PCDHGA9: variants seen among roughly 807,000 people sequenced by gnomAD.
The protein encoded by PCDHGA9 is protocadherin gamma subfamily A, 9.
PCDHGA9 carries 37 observed loss-of-function variants against 62.5 expected under a neutral mutation model. That is an observed-to-expected ratio of 0.59 (90% CI 0.46 to 0.78). The LOEUF (loss-of-function observed/expected upper bound fraction) is 0.78, where lower values mean the gene tolerates loss of function less well. Among genes scored for constraint, PCDHGA9 ranks in the 30% least tolerant of loss-of-function variants. The pLI, the probability that PCDHGA9 is intolerant of heterozygous loss-of-function variation, is 0.00. For synonymous variants in PCDHGA9, 459 were observed against 484.6 expected (o/e 0.95, Z 0.69); for missense variants, 1,138 against 1,166.2 (o/e 0.98, Z 0.35).
chr5:141,468,814 C>G (rs2099180978), intron 1 of PCDHGA9, among the ~76,000 whole-genome samples: 1 of 151,814 alleles, frequency 6.6e-6, no homozygotes, highest in African/African-American at 2.4e-5. Context: ...TGCAGTGAGC[C>G]AAGATCAAGC....
At position 141,430,917 on chromosome 5, in the gene PCDHGA9, G is replaced by A. The variant is rs2097324810; in HGVS notation, c.2424+25541G>A. ...GTGGGCGACATCTCCAGGGACCTGG[G>A]GCTGGAGCCCCGGGAGCTCGCGGAG... On this transcript the variant is annotated intron_variant, in intron 1 of 3. Coordinates refer to ENST00000573521, the MANE Select transcript of PCDHGA9 (RefSeq NM_018921.3). The A allele has an allele frequency of 1.9e-6, 3 of 1,607,956 alleles. No individual in the cohort carries two copies. The highest frequency in any genetic ancestry group is 2.5e-6 in the Non-Finnish European group (3 of 1,177,520).
In PCDHGA9 at chr5:141,413,348, T is replaced by C. The variant is rs1217580039; in HGVS notation, c.2424+7972T>C. On this transcript the variant is annotated intron_variant, in intron 1 of 3. Transcript: ENST00000573521. The stretch of plus-strand genomic sequence containing the variant: ...GGCAACATCTCCAAGGACTTGGGTC[T>C]GGCGCCCCGGGAGCTGGCGGAGCGC... The C allele has an allele frequency of 1.9e-6, 3 of 1,613,872 alleles. No homozygotes were observed. In the Admixed American group the frequency reaches 5.0e-5, roughly 27 times the overall value.
chr5:141,446,771 A>G (rs1008985621), intron 1 of PCDHGA9, among the ~76,000 whole-genome samples: 3 of 152,158 alleles, frequency 2.0e-5, no homozygotes, highest in Admixed American at 2.0e-4. Flanking sequence ...CCAGCCGGTT[A>G]CCATTCTTTT....
chr5:141,441,057 A>T (rs2098222263), intron 1 of PCDHGA9: 2 of 152,152 alleles, frequency 1.3e-5, no homozygotes, highest in South Asian at 4.1e-4. Flanking sequence ...ACTTTTAAAG[A>T]TTTTTAATTT....
intron 1 of PCDHGA9, chr5:141,478,540 C>T (rs1221128622): frequency 6.2e-7 from 1 of 1,606,412 alleles, no homozygotes; most frequent in East Asian, 2.2e-5. Context: ...GCGCCCCTCC[C>T]GGACAGGTAA....
chr5:141,409,357 T>A, intron 1 of PCDHGA9: 2 of 1,613,968 alleles, frequency 1.2e-6, no homozygotes, highest in Non-Finnish European at 1.7e-6. Context: ...TCAGGTGTAA[T>A]ATAGAAACAG....
chr5:141,448,103 A>G (rs1252710550), intron 1 of PCDHGA9, among the ~76,000 whole-genome samples: 2 of 151,992 alleles, frequency 1.3e-5, no homozygotes, highest in Non-Finnish European at 2.9e-5. Context: ...AAAAAATTAA[A>G]AGAAAAGAAA....
intron 1 of PCDHGA9, among the ~76,000 whole-genome samples, chr5:141,474,075 C>T (rs2099339724): frequency 6.6e-6 from 1 of 151,902 alleles, no homozygotes; most frequent in African/African-American, 2.4e-5. Flanking sequence ...GCCTCAGAAA[C>T]AAAAACCAAA....
chr5:141,430,944 G>C (rs1417018095), intron 1 of PCDHGA9: 1 of 1,609,214 alleles, frequency 6.2e-7, no homozygotes, highest in Non-Finnish European at 8.5e-7. Flanking sequence ...CTCGCGGAGC[G>C]CGGAGTCCGC....
In PCDHGA9 at chr5:141,490,108, C is replaced by A; in HGVS notation, c.2425-4699C>A. The A allele has an allele frequency of 6.2e-7, 1 of 1,614,244 alleles. No homozygotes were observed. The highest frequency in any genetic ancestry group is 8.5e-7 in the Non-Finnish European group (1 of 1,180,034). On this transcript the variant is annotated intron_variant, in intron 1 of 3. Transcript: ENST00000573521. This position sits in a 1 kb window ranked among gnomAD's most constrained non-coding sequence, Gnocchi z 5.4. The stretch of plus-strand genomic sequence containing the variant: ...TGGAGACCACACATCTGAGGCAGTG[C>A]GGAACCTCTTTGGCCTAGACCCTAG...
Position 141,493,788 on chromosome 5 carries a change from C to A in PCDHGA9, c.2425-1019C>A, listed in dbSNP as rs2099750132. On this transcript the variant is annotated intron_variant, in intron 1 of 3. Transcript: ENST00000573521. This position sits in a 1 kb window ranked among gnomAD's most constrained non-coding sequence, Gnocchi z 4.3. ...ACTGGCAGTTCCGGAGCTTCCTTCT[C>A]CCTGGAGTAATCTGAGATACTCACA... 6.6e-6 allele frequency among the ~76,000 whole-genome samples: 1 copy of A among 152,162 alleles called. No homozygotes were observed. The highest frequency in any genetic ancestry group is 1.5e-5 in the Non-Finnish European group (1 of 68,026).
chr5:141,426,797 C>A (rs1487716495), intron 1 of PCDHGA9: 1 of 456,706 alleles, frequency 2.2e-6, no homozygotes, highest in Non-Finnish European at 4.4e-6. Context: ...GTTACCAGCT[C>A]AGTTCTAATG....
intron 1 of PCDHGA9, chr5:141,422,820 G>A (rs904706749): frequency 6.2e-6 from 10 of 1,614,178 alleles, no homozygotes; most frequent in Non-Finnish European, 7.6e-6. Flanking sequence ...ACTTAGAACT[G>A]AGAGTGATAG....
At chr5:141,413,333 C>T in intron 1 of PCDHGA9, 1 of 1,613,966 alleles carries the variant, frequency 6.2e-7, no homozygotes, top group Non-Finnish European at 8.5e-7. Context: ...GGCAACATCT[C>T]CAAGGACTTG....
Position 141,511,066 on chromosome 5 carries a change from C to T in PCDHGA9, c.2692C>T (p.Pro898Ser). Residue 898 changes from proline to serine, a missense_variant, in exon 4 of 4, where the codon CCA (proline) becomes TCA (serine). Physicochemically the swap from Pro to Ser is moderately conservative, Grantham distance 74. Transcript: ENST00000573521. The part of the protein sequence containing the change: ...VPDYRQNVYI[P>S]GSNATLTNAA... ...CGACTACCGCCAGAATGTCTACATC[C>T]CAGGCAGCAATGCCACACTGACCAA... 1.2e-6 allele frequency: 2 copies of T among 1,614,230 alleles called. No individual in the cohort carries two copies. Among genetic ancestry groups the T allele is most frequent in the Non-Finnish European group, 1.7e-6 (2 of 1,180,036 alleles).
In PCDHGA9 at chr5:141,490,490, C is replaced by A. The variant is rs886264588; in HGVS notation, c.2425-4317C>A. The A allele has an allele frequency of 1.2e-6, 2 of 1,614,184 alleles. No individual in the cohort carries two copies. Among genetic ancestry groups the A allele is most frequent in the Non-Finnish European group, 1.7e-6 (2 of 1,180,028 alleles). ...AGCCAGCCTTTGGACCGGGAGGCCA[C>A]ATCCCACTATATCATCGAGCTGCTG... On this transcript the variant is annotated intron_variant, in intron 1 of 3. Transcript: ENST00000573521. The surrounding 1 kb of genome is among the most constrained non-coding windows in gnomAD (Gnocchi z 5.4).
Position 141,491,935 on chromosome 5 carries a change from C to A in PCDHGA9, c.2425-2872C>A. 1 of 1,205,518 alleles carries A rather than the reference C, an allele frequency of 8.3e-7. No homozygotes were observed. Among genetic ancestry groups the A allele is most frequent in the South Asian group, 1.7e-5 (1 of 59,176 alleles). 74.7% of individuals were successfully genotyped at this position (1,205,518 alleles called of 1,614,324 possible). On this transcript the variant is annotated intron_variant, in intron 1 of 3. Transcript: ENST00000573521. The surrounding 1 kb of genome is among the most constrained non-coding windows in gnomAD (Gnocchi z 6.9). ...GACTGTGGGCGAGGGGAGGTGGGACCGACCCCCACCCCTACACTCAAAAAA... is the reference window on the plus strand; with the variant it reads ...GACTGTGGGCGAGGGGAGGTGGGACAGACCCCCACCCCTACACTCAAAAAA...
chr5:141,431,699 T>C lies in PCDHGA9; in HGVS notation c.2424+26323T>C. ...GGAGTTGGACCACGAGGAGTCAGGA[T>C]TCTACCAGATGGAAGTGCAAGCAAT... is the stretch of plus-strand genomic sequence containing the variant. On this transcript the variant is annotated intron_variant, in intron 1 of 3. Coordinates refer to ENST00000573521, the MANE Select transcript of PCDHGA9 (RefSeq NM_018921.3). The surrounding 1 kb of genome is among the most constrained non-coding windows in gnomAD (Gnocchi z 4.8). 6.2e-7 allele frequency: 1 copy of C among 1,614,222 alleles called. No individual in the cohort carries two copies. Among genetic ancestry groups the C allele is most frequent in the South Asian group, 1.1e-5 (1 of 91,074 alleles).
Position 141,414,170 on chromosome 5 carries a change from T to C in PCDHGA9, c.2424+8794T>C, listed in dbSNP as rs1411353386. The C allele has an allele frequency of 6.2e-7, 1 of 1,606,208 alleles. No homozygotes were observed. The highest frequency in any genetic ancestry group is 1.7e-5 in the Admixed American group (1 of 58,580). The stretch of plus-strand genomic sequence containing the variant: ...CAAGCAGAAGATGGAGGAGCATATC[T>C]TGCAACTGCAAAAGTGTTGATTACA... On this transcript the variant is annotated intron_variant, in intron 1 of 3. Coordinates refer to ENST00000573521, the MANE Select transcript of PCDHGA9 (RefSeq NM_018921.3).
Sources: allele counts gnomAD v4.1 joint callset (sites outside exome capture counted in the v4.1 genomes callset), GRCh38; gene constraint gnomAD v4.1.1; non-coding constraint Gnocchi (gnomAD v3.1); transcripts MANE v1.5; gene names NCBI Gene and HGNC (gene_info 2026-07-23, HGNC 2026-07-21).